Variants in PRKAG2 observed in about 807,000 individuals in gnomAD.
The protein encoded by PRKAG2 is 5'-AMP-activated protein kinase subunit gamma-2.
A neutral mutation model predicts 69.6 loss-of-function variants in PRKAG2; 26 were observed. The ratio of observed to expected loss-of-function variants is 0.37; its 90% CI spans 0.27 to 0.52. PRKAG2 has a LOEUF of 0.52. PRKAG2 is among the 20% of genes least tolerant of loss of function. PRKAG2 has a pLI of 0.90. For missense variants in PRKAG2, 557 were observed against 740.0 expected, an observed-to-expected ratio of 0.75 and a Z score of 2.87; for synonymous variants, 293 against 285.0, an observed-to-expected ratio of 1.03 and a Z score of -0.28.
rs900106066 is a variant in PRKAG2 at position 151,771,343 on chromosome 7, C to T, written c.466+9809G>A. 2.6e-5 allele frequency among the ~76,000 whole-genome samples: 4 copies of T among 152,202 alleles called. No homozygotes were observed. The highest frequency in any genetic ancestry group is 9.6e-5 in the African/African-American group (4 of 41,456). On this transcript the variant is annotated intron_variant, in intron 3 of 15. Transcript: ENST00000287878. The surrounding 1 kb of genome is among the most constrained non-coding windows in gnomAD (Gnocchi z 4.0). Reference sequence around the variant, plus strand: ...TCTGCTGATGCTTTCAAAATCCCCACGTCCCAAACTCAGCACCATTAAATT... The same window carrying T: ...TCTGCTGATGCTTTCAAAATCCCCATGTCCCAAACTCAGCACCATTAAATT...
Position 151,876,818 on chromosome 7 carries a change from T to C in PRKAG2, c.-198A>G, listed in dbSNP as rs933855316. On this transcript the variant is annotated 5_prime_UTR_variant, in exon 1 of 16. Coordinates refer to ENST00000287878, the MANE Select transcript of PRKAG2 (RefSeq NM_016203.4). ...GCCGCCGAAGCGCCGAATTCAAGCG[T>C]CCTTTCCTACGGAACCCTCGTAGGC... 2 of 641,708 alleles carry C rather than the reference T, an allele frequency of 3.1e-6. No individual in the cohort carries two copies. Among genetic ancestry groups the C allele is most frequent in the African/African-American group, 3.6e-5 (2 of 54,936 alleles). The allele number at this position is 641,708 out of a possible 1,614,324, so 39.8% of individuals were successfully genotyped here.
chr7:151,735,488 C>T (rs1104897), intron 3 of PRKAG2, among the ~76,000 whole-genome samples: 30,034 of 152,134 alleles, frequency 0.2, 3,496 homozygotes, highest in East Asian at 0.46. Flanking sequence ...TACTCCGCTA[C>T]GGAACCTGGG....
intron 15 of PRKAG2, chr7:151,557,728 G>C (rs1352653422): frequency 2.2e-6 from 1 of 452,810 alleles, no homozygotes; most frequent in Non-Finnish European, 2.9e-6. Flanking sequence ...AAATTAGCTG[G>C]GCGTAGTGGC....
At chr7:151,666,397 A>G (rs1831050222) in intron 4 of PRKAG2, among the ~76,000 whole-genome samples, 1 of 152,178 alleles carries the variant, frequency 6.6e-6, no homozygotes, top group Non-Finnish European at 1.5e-5. Flanking sequence ...CTCAGGAGAA[A>G]CTGAACCTGC....
At position 151,558,531 on chromosome 7, in the gene PRKAG2, G is replaced by A. The variant is rs916520122; in HGVS notation, c.1679-1299C>T. On this transcript the variant is annotated intron_variant, in intron 15 of 15. Transcript: ENST00000287878. ...TTACATTCAGACAGCGCTCGGGTGG[G>A]ACAGCTGGGACTTGGCCTCACGGTG... 16 of 942,080 alleles carry A rather than the reference G, an allele frequency of 1.7e-5. No homozygotes were observed. The Admixed American group carries it at 8.6e-4, about 51-fold the overall frequency. 58.4% of individuals were successfully genotyped at this position (942,080 alleles called of 1,614,324 possible).
intron 6 of PRKAG2, among the ~76,000 whole-genome samples, chr7:151,576,984 C>CT (rs5888443): frequency 4.6e-5 from 7 of 150,730 alleles, no homozygotes; most frequent in Admixed American, 6.6e-5. Context: ...CAATTAACTT[C>CT]TTTTTTTTTT....
chr7:151,590,793 G>C (rs6962814), intron 6 of PRKAG2, among the ~76,000 whole-genome samples: 1 of 152,232 alleles, frequency 6.6e-6, no homozygotes, highest in African/African-American at 2.4e-5. Flanking sequence ...TGCTAGTAAC[G>C]TTAGGACAAA....
At chr7:151,861,668 T>A (rs12669703) in intron 1 of PRKAG2, among the ~76,000 whole-genome samples, 58,374 of 151,780 alleles carry the variant, frequency 0.38, 12,486 homozygotes, top group East Asian at 0.59. Context: ...GGCGGCTTGT[T>A]AGGGAGAGGG....
At chr7:151,711,630 G>T (rs1249230238) in intron 3 of PRKAG2, among the ~76,000 whole-genome samples, 2 of 152,182 alleles carry the variant, frequency 1.3e-5, no homozygotes, top group African/African-American at 2.4e-5. Flanking sequence ...CACCAAGGAG[G>T]ACAGCAATAT....
chr7:151,820,194 G>A (rs908387720), intron 1 of PRKAG2, among the ~76,000 whole-genome samples: 1 of 152,192 alleles, frequency 6.6e-6, no homozygotes, highest in Non-Finnish European at 1.5e-5. Flanking sequence ...GCCGGCAGCT[G>A]GAACCTTTTT....
At chr7:151,830,521 G>C (rs534925233) in intron 1 of PRKAG2, among the ~76,000 whole-genome samples, 5 of 151,984 alleles carry the variant, frequency 3.3e-5, no homozygotes, top group Non-Finnish European at 5.9e-5. Flanking sequence ...TGGAAGGACT[G>C]GGGGACGGAA....
At chr7:151,655,856 G>C (rs1356214561) in intron 4 of PRKAG2, among the ~76,000 whole-genome samples, 1 of 152,170 alleles carries the variant, frequency 6.6e-6, no homozygotes, top group Non-Finnish European at 1.5e-5. Context: ...TAAGAGCTCA[G>C]TAAATTATTA....
intron 3 of PRKAG2, among the ~76,000 whole-genome samples, chr7:151,687,965 C>T (rs920797504): frequency 3.0e-5 from 4 of 132,564 alleles, no homozygotes; most frequent in East Asian, 2.2e-4. Context: ...TAGGGTGGAG[C>T]GGGTAGTGGA....
chr7:151,735,011 C>T (rs1160747881), intron 3 of PRKAG2, among the ~76,000 whole-genome samples: 3 of 151,888 alleles, frequency 2.0e-5, no homozygotes, highest in African/African-American at 4.8e-5. Flanking sequence ...CACGCCACCA[C>T]GCCCAGCTAA....
chr7:151,574,569 G>A (rs1808436059), intron 8 of PRKAG2, among the ~76,000 whole-genome samples: 2 of 152,174 alleles, frequency 1.3e-5, no homozygotes, highest in African/African-American at 4.8e-5. Flanking sequence ...GCAGAGATAA[G>A]CAAAACTTAC....
At chr7:151,776,307 C>T (rs946485274) in intron 3 of PRKAG2, among the ~76,000 whole-genome samples, 4 of 152,338 alleles carry the variant, frequency 2.6e-5, no homozygotes, top group African/African-American at 9.6e-5. Flanking sequence ...CATAGCCTTC[C>T]TGAGCCCGGC....
At chr7:151,710,460 C>A (rs1415339804) in intron 3 of PRKAG2, among the ~76,000 whole-genome samples, 1 of 152,162 alleles carries the variant, frequency 6.6e-6, no homozygotes, top group Non-Finnish European at 1.5e-5. Context: ...AAGAGAAGAC[C>A]CCGTCACTCC....
chr7:151,839,292 A>C (rs1278656731), intron 1 of PRKAG2, among the ~76,000 whole-genome samples: 1 of 152,210 alleles, frequency 6.6e-6, no homozygotes, highest in Non-Finnish European at 1.5e-5. Flanking sequence ...AGAAGGAGGA[A>C]GTCAAGTGAT....
chr7:151,800,074 C>T (rs1563696374), intron 1 of PRKAG2, among the ~76,000 whole-genome samples: 2 of 151,126 alleles, frequency 1.3e-5, no homozygotes, highest in Non-Finnish European at 3.0e-5. Context: ...AGTCGCCTCA[C>T]GGGCCGGGTG....
Sources: gnomAD v4.1 joint callset for allele counts (sites outside exome capture counted in the v4.1 genomes callset) on GRCh38, gnomAD v4.1.1 for gene constraint, Gnocchi (gnomAD v3.1) non-coding constraint, MANE v1.5 for transcripts, NCBI Gene and HGNC (gene_info 2026-07-23, HGNC 2026-07-21) for gene names.